ASTN2: variants seen among roughly 807,000 people sequenced by gnomAD.
ASTN2 encodes the protein astrotactin-2.
In ASTN2, 54 loss-of-function variants were observed where a neutral mutation model predicts 139.8. That is an observed-to-expected ratio of 0.39 (90% CI 0.31 to 0.48). The LOEUF (loss-of-function observed/expected upper bound fraction) is 0.48, where lower values mean the gene tolerates loss of function less well. Among genes scored for constraint, ASTN2 ranks in the 20% least tolerant of loss-of-function variants. The probability of loss-of-function intolerance (pLI) is 0.95; values close to 1 mark genes in which losing one functional copy is unlikely to be tolerated. For missense variants in ASTN2, 1,565 were observed against 1,725.1 expected, an observed-to-expected ratio of 0.91 and a Z score of 1.64; for synonymous variants, 756 against 719.5, an observed-to-expected ratio of 1.05 and a Z score of -0.81.
At chr9:116,723,514 A>G (rs1429227243) in intron 16 of ASTN2, among the ~76,000 whole-genome samples, 1 of 152,158 alleles carries the variant, frequency 6.6e-6, no homozygotes, top group African/African-American at 2.4e-5. Context: ...CCGAGTTATC[A>G]GCCTCCAAGC....
At chr9:117,259,803 C>A (rs1217672102) in intron 2 of ASTN2, among the ~76,000 whole-genome samples, 8 of 152,048 alleles carry the variant, frequency 5.3e-5, no homozygotes, top group Non-Finnish European at 5.9e-5. Context: ...TGTTAGGAAC[C>A]CCTGAGGCTG....
At chr9:116,650,082 G>A (rs1054909150) in intron 17 of ASTN2, among the ~76,000 whole-genome samples, 5 of 152,124 alleles carry the variant, frequency 3.3e-5, no homozygotes, top group Middle Eastern at 3.2e-3. Flanking sequence ...CAAGAAGTAT[G>A]CTGTGGGAGG....
chr9:116,703,696 T>G (rs1376851202), intron 16 of ASTN2, among the ~76,000 whole-genome samples: 1 of 148,510 alleles, frequency 6.7e-6, no homozygotes, highest in Non-Finnish European at 1.5e-5. Context: ...CTGCACAATG[T>G]GCACATGTAC....
intron 10 of ASTN2, among the ~76,000 whole-genome samples, chr9:116,932,107 C>A (rs563345963): frequency 5.3e-5 from 8 of 152,196 alleles, no homozygotes; most frequent in Non-Finnish European, 1.2e-4. Context: ...GATGCCAAGG[C>A]CAATGGGAAG....
At chr9:117,132,925 C>T (rs576462743) in intron 4 of ASTN2, among the ~76,000 whole-genome samples, 74 of 152,282 alleles carry the variant, frequency 4.9e-4, no homozygotes, top group Non-Finnish European at 1.5e-4. Context: ...ATTCTCACGA[C>T]AGTCCTGGAC....
At chr9:116,745,495 T>A (rs1829210704) in intron 13 of ASTN2, among the ~76,000 whole-genome samples, 1 of 152,192 alleles carries the variant, frequency 6.6e-6, no homozygotes, top group African/African-American at 2.4e-5. Flanking sequence ...CACTTGACTT[T>A]GGCTCTGATC....
chr9:116,558,175 G>C (rs1259205833), intron 19 of ASTN2, among the ~76,000 whole-genome samples: 1 of 152,126 alleles, frequency 6.6e-6, no homozygotes, highest in African/African-American at 2.4e-5. Context: ...CCCATCTTGA[G>C]TCCCAAAATT....
chr9:116,764,470 G>A (rs974705542), intron 13 of ASTN2, among the ~76,000 whole-genome samples: 1 of 152,074 alleles, frequency 6.6e-6, no homozygotes, highest in Non-Finnish European at 1.5e-5. Context: ...CCCTTCCAAG[G>A]TGTCAATACC....
intron 3 of ASTN2, among the ~76,000 whole-genome samples, chr9:117,164,743 C>T (rs747063303): frequency 6.6e-6 from 1 of 152,050 alleles, no homozygotes; most frequent in Non-Finnish European, 1.5e-5. Flanking sequence ...TTTCCTGGCA[C>T]ATGCCTGACC....
chr9:117,210,233 A>T (rs1832075412), intron 3 of ASTN2, among the ~76,000 whole-genome samples: 2 of 152,224 alleles, frequency 1.3e-5, no homozygotes, highest in South Asian at 4.1e-4. Context: ...GACTAAAAGG[A>T]ACAAAAGATC....
chr9:117,260,509 T>A (rs966079518), intron 2 of ASTN2, among the ~76,000 whole-genome samples: 1 of 152,090 alleles, frequency 6.6e-6, no homozygotes, highest in Non-Finnish European at 1.5e-5. Flanking sequence ...CCCTAAAACT[T>A]ATCAAAAACC....
intron 19 of ASTN2, chr9:116,568,472 A>G (rs1321780729): frequency 6.6e-6 from 1 of 152,226 alleles, no homozygotes; most frequent in Non-Finnish European, 1.5e-5. Context: ...GTCCATCTTC[A>G]GAACCTGAAT....
At chr9:116,988,087 C>A (rs1226368881) in intron 7 of ASTN2, among the ~76,000 whole-genome samples, 3 of 152,166 alleles carry the variant, frequency 2.0e-5, no homozygotes, top group African/African-American at 7.2e-5. Context: ...GTAACGGATA[C>A]TGTAGAAAGG....
intron 2 of ASTN2, among the ~76,000 whole-genome samples, chr9:117,250,156 A>T (rs535772933): frequency 6.6e-6 from 1 of 152,300 alleles, no homozygotes; most frequent in South Asian, 2.1e-4. Context: ...ACCCACACCC[A>T]TAGTCTTTAG....
intron 10 of ASTN2, among the ~76,000 whole-genome samples, chr9:116,931,086 G>A (rs926058264): frequency 8.6e-5 from 13 of 152,024 alleles, no homozygotes; most frequent in East Asian, 1.9e-4. Flanking sequence ...AACATGCCAC[G>A]TACACTCCCC....
intron 19 of ASTN2, among the ~76,000 whole-genome samples, chr9:116,497,953 C>T (rs538008166): frequency 9.2e-5 from 14 of 152,192 alleles, no homozygotes; most frequent in Non-Finnish European, 1.6e-4. Context: ...TTCCAACTTT[C>T]TCTGGGCCAA....
intron 1 of ASTN2, among the ~76,000 whole-genome samples, chr9:117,323,198 C>T (rs1040851814): frequency 6.6e-6 from 1 of 152,052 alleles, no homozygotes; most frequent in African/African-American, 2.4e-5. Flanking sequence ...CACAGAGATA[C>T]CATGAAAAGA....
At chr9:116,551,191 C>CT (rs1852326369) in intron 19 of ASTN2, 1 of 152,144 alleles carries the variant, frequency 6.6e-6, no homozygotes, top group Admixed American at 6.5e-5. Context: ...TGGGGCCAAC[C>CT]TAGTCATTTG....
chr9:117,168,008 G>A (rs1830708486), intron 3 of ASTN2, among the ~76,000 whole-genome samples: 1 of 152,086 alleles, frequency 6.6e-6, no homozygotes, highest in African/African-American at 2.4e-5. Flanking sequence ...CAGTATGATG[G>A]GGTAGAGACC....
Sources: allele counts gnomAD v4.1 joint callset (sites outside exome capture counted in the v4.1 genomes callset), GRCh38; gene constraint gnomAD v4.1.1; transcripts MANE v1.5; gene names NCBI Gene and HGNC (gene_info 2026-07-23, HGNC 2026-07-21).